The following TENM3 variants were observed in gnomAD, a reference collection of about 807,000 sequenced individuals.
The protein encoded by TENM3 is teneurin transmembrane protein 3.
A neutral mutation model predicts 255.1 loss-of-function variants in TENM3; 63 were observed. That is an observed-to-expected ratio of 0.25 (90% CI 0.20 to 0.30). TENM3 has a LOEUF of 0.30. Among genes scored for constraint, TENM3 ranks in the 10% least tolerant of loss-of-function variants. The pLI is 1.00. For synonymous variants in TENM3, 1,306 were observed against 1,322.3 expected, an observed-to-expected ratio of 0.99 and a Z score of 0.27; for missense variants, 2,929 against 3,461.1, an observed-to-expected ratio of 0.85 and a Z score of 3.86.
At chr4:182,368,637 A>G (rs1212576727) in intron 3 of TENM3, among the ~76,000 whole-genome samples, 2 of 152,330 alleles carry the variant, frequency 1.3e-5, no homozygotes, top group East Asian at 3.9e-4. Flanking sequence ...ATGTTGTCAT[A>G]GTTTCACCTG....
rs765020644 is a variant in TENM3, at chr4:182,802,202, G to A, written c.*1851G>A. ...GTGCTATTACTGTCTTTGTGTATTT[G>A]GTAGAGCATACCGAAGTAATTAATC... On this transcript the variant is annotated 3_prime_UTR_variant, in exon 28 of 28. Transcript: ENST00000511685. 11 of 152,560 alleles carry A rather than the reference G, an allele frequency of 7.2e-5. No homozygotes were observed. The highest frequency in any genetic ancestry group is 5.2e-4 in the Admixed American group (8 of 15,262). The allele number at this position is 152,560 out of a possible 1,614,324, so 9.5% of individuals were successfully genotyped here. A position where few individuals can be genotyped will look rare whatever the true frequency, so the allele number is the denominator to read the frequency against.
At chr4:181,885,914 T>G in the TENM3 span, among the ~76,000 whole-genome samples, 2 of 152,222 alleles carry the variant, frequency 1.3e-5, no homozygotes, top group Non-Finnish European at 2.9e-5. Flanking sequence ...AATATGGATT[T>G]GAAAGTGCAG....
the TENM3 span, among the ~76,000 whole-genome samples, chr4:182,035,463 TCA>T: frequency 6.6e-6 from 1 of 152,204 alleles, no homozygotes; most frequent in African/African-American, 2.4e-5. Context: ...GCAACAAACT[TCA>T]GTTTTTGAAA....
intron 3 of TENM3, among the ~76,000 whole-genome samples, chr4:182,580,619 T>C (rs997863061): frequency 3.3e-5 from 5 of 152,148 alleles, no homozygotes; most frequent in African/African-American, 9.7e-5. Context: ...TGCCTTGAAA[T>C]CAGAAAGTGT....
At chr4:182,347,248 C>A (rs2150674932) in intron 3 of TENM3, among the ~76,000 whole-genome samples, 1 of 152,186 alleles carries the variant, frequency 6.6e-6, no homozygotes. Flanking sequence ...TCTCTTGGAC[C>A]ATGTCACCTG....
chr4:181,768,593 T>TC, the TENM3 span, among the ~76,000 whole-genome samples: 2 of 152,344 alleles, frequency 1.3e-5, no homozygotes, highest in Non-Finnish European at 2.9e-5. Flanking sequence ...TTAGTTTTTT[T>TC]CCCTCATTAG....
At chr4:181,961,585 A>C in the TENM3 span, among the ~76,000 whole-genome samples, 1 of 151,918 alleles carries the variant, frequency 6.6e-6, no homozygotes, top group Non-Finnish European at 1.5e-5. Context: ...ACGTCCGGCT[A>C]ATTTTTTGTG....
intron 1 of TENM3, among the ~76,000 whole-genome samples, chr4:182,245,851 C>T (rs1429696685): frequency 1.3e-5 from 2 of 152,200 alleles, no homozygotes; most frequent in Non-Finnish European, 2.9e-5. Flanking sequence ...AGAACAATAA[C>T]TGCCTTCAGT....
the TENM3 span, among the ~76,000 whole-genome samples, chr4:181,889,860 A>G: frequency 1.3e-5 from 2 of 152,186 alleles, no homozygotes; most frequent in Admixed American, 1.3e-4. Context: ...TCATTATTTT[A>G]ATTAATTGGG....
the TENM3 span, among the ~76,000 whole-genome samples, chr4:181,628,496 GAATT>G: frequency 1.3e-5 from 2 of 152,176 alleles, no homozygotes; most frequent in Non-Finnish European, 2.9e-5. Flanking sequence ...AATCCATCTT[GAATT>G]AATTTTTGTA....
chr4:181,701,438 C>T, the TENM3 span, among the ~76,000 whole-genome samples: 5 of 152,200 alleles, frequency 3.3e-5, no homozygotes, highest in African/African-American at 1.2e-4. Context: ...AGCTCACACT[C>T]ATAAAGCTTT....
chr4:182,072,162 T>A, the TENM3 span, among the ~76,000 whole-genome samples: 1 of 152,242 alleles, frequency 6.6e-6, no homozygotes, highest in Non-Finnish European at 1.5e-5. Context: ...CTTAACTGCC[T>A]TGTGGGATAC....
intron 12 of TENM3, among the ~76,000 whole-genome samples, chr4:182,689,832 T>A (rs1363143110): frequency 1.3e-5 from 2 of 152,254 alleles, no homozygotes; most frequent in Non-Finnish European, 2.9e-5. Context: ...ATAAACTTTC[T>A]TAAAACATGA....
chr4:182,505,932 T>A (rs547482787), intron 3 of TENM3, among the ~76,000 whole-genome samples: 1 of 152,300 alleles, frequency 6.6e-6, no homozygotes, highest in South Asian at 2.1e-4. Flanking sequence ...AAAGCATTAA[T>A]TTTCTCTAAG....
At chr4:182,337,488 A>G (rs111357882) in intron 2 of TENM3, among the ~76,000 whole-genome samples, 1,824 of 152,290 alleles carry the variant, frequency 0.012, 45 homozygotes, top group African/African-American at 0.041. Context: ...TAAAACCACA[A>G]TGAAATACTA....
At chr4:182,406,230 G>T (rs1377831248) in intron 3 of TENM3, among the ~76,000 whole-genome samples, 1 of 152,000 alleles carries the variant, frequency 6.6e-6, no homozygotes, top group African/African-American at 2.4e-5. Context: ...GCTTGAACCT[G>T]GGAGTCAGAG....
At chr4:181,820,225 A>G in the TENM3 span, 1 of 152,120 alleles carries the variant, frequency 6.6e-6, no homozygotes, top group Non-Finnish European at 1.5e-5. Flanking sequence ...TGCTTTCCAT[A>G]TCAAATAGGG....
At chr4:181,519,412 T>C in the TENM3 span, among the ~76,000 whole-genome samples, 1 of 152,110 alleles carries the variant, frequency 6.6e-6, no homozygotes, top group Admixed American at 6.5e-5. Flanking sequence ...TTAGTACAAA[T>C]TGGTTTGACA....
At chr4:182,283,800 G>A (rs1760554067) in intron 1 of TENM3, among the ~76,000 whole-genome samples, 1 of 152,194 alleles carries the variant, frequency 6.6e-6, no homozygotes, top group Admixed American at 6.5e-5. Context: ...TTTTTGAATG[G>A]AGGTGATGGG....
Sources: allele counts gnomAD v4.1 joint callset (sites outside exome capture counted in the v4.1 genomes callset), GRCh38; gene constraint gnomAD v4.1.1; transcripts MANE v1.5; gene names NCBI Gene and HGNC (gene_info 2026-07-23, HGNC 2026-07-21).